Variants in RARB observed in about 807,000 individuals in gnomAD.
RARB encodes the protein retinoic acid receptor beta.
A neutral mutation model predicts 51.9 loss-of-function variants in RARB; 17 were observed. The ratio of observed to expected loss-of-function variants is 0.33; its 90% CI spans 0.22 to 0.49. The LOEUF (loss-of-function observed/expected upper bound fraction) is 0.49, where lower values mean the gene tolerates loss of function less well. Ranked by LOEUF, RARB falls within the 20% of genes least tolerant of loss-of-function variation. The pLI is 0.99. For missense variants in RARB, 369 were observed against 550.8 expected (o/e 0.67, Z 3.30); for synonymous variants, 215 against 195.4 (o/e 1.10, Z -0.84).
intron 5 of RARB, among the ~76,000 whole-genome samples, chr3:25,204,976 G>A (rs1439712950): frequency 1.3e-5 from 2 of 152,178 alleles, no homozygotes; most frequent in African/African-American, 2.4e-5. Context: ...ATTTAAGTCT[G>A]CAGAGGTTTC....
chr3:25,122,836 A>G (rs1335981860), intron 3 of RARB, among the ~76,000 whole-genome samples: 1 of 152,154 alleles, frequency 6.6e-6, no homozygotes, highest in East Asian at 1.9e-4. Context: ...TTCCCAAGGG[A>G]AGAAACCCAA....
At position 24,958,255 on chromosome 3, in the gene RARB, G is replaced by GTTTTGTTTT. The variant is rs1314564374; in HGVS notation, c.-380+99507_-380+99508insGTTTTTTTT. Among the ~76,000 whole-genome samples the GTTTTGTTTT allele has an allele frequency of 7.5e-3, 522 of 69,434 alleles. 55 individuals carry two copies. The highest frequency in any genetic ancestry group is 0.012 in the Non-Finnish European group (406 of 33,292). The allele number at this position is 69,434 out of a possible 152,430, so 45.6% of individuals were successfully genotyped here. On this transcript the variant is annotated intron_variant, in intron 2 of 11. Transcript: ENST00000383772. ...ACCTGAAGCTTCCTGAGCTGCTCAGGTTTTTTTTTTTTTTTTTTTTTTTTT... is the reference window on the plus strand; with the variant it reads ...ACCTGAAGCTTCCTGAGCTGCTCAGGTTTTGTTTTTTTTTTTTTTTTTTTTTTTTTTTTT...
chr3:24,916,350 G>A (rs536980138), intron 2 of RARB, among the ~76,000 whole-genome samples: 1 of 152,290 alleles, frequency 6.6e-6, no homozygotes, highest in East Asian at 1.9e-4. Context: ...GGCATCAGGA[G>A]AGTAAGATTA....
At chr3:25,252,012 A>G (rs1702734545) in intron 5 of RARB, among the ~76,000 whole-genome samples, 1 of 152,050 alleles carries the variant, frequency 6.6e-6, no homozygotes, top group South Asian at 2.1e-4. Flanking sequence ...AAGTCTGAAT[A>G]GGTTTTGAGT....
chr3:25,057,066 C>T (rs892512515), intron 2 of RARB, among the ~76,000 whole-genome samples: 21 of 152,056 alleles, frequency 1.4e-4, no homozygotes, highest in African/African-American at 4.6e-4. Flanking sequence ...ATTCATCATC[C>T]ATAATCAGGT....
chr3:24,955,674 G>A (rs1695998763), intron 2 of RARB, among the ~76,000 whole-genome samples: 1 of 152,152 alleles, frequency 6.6e-6, no homozygotes, highest in Admixed American at 6.6e-5. Flanking sequence ...ATGTGCGCAA[G>A]CTTATATGCC....
intron 2 of RARB, among the ~76,000 whole-genome samples, chr3:25,499,335 A>G (rs1036796722): frequency 6.6e-6 from 1 of 152,236 alleles, no homozygotes; most frequent in Non-Finnish European, 1.5e-5. Context: ...TCGTGTAGGT[A>G]TAAGTCACAT....
chr3:24,892,894 G>A (rs111994473), intron 2 of RARB, among the ~76,000 whole-genome samples: 2 of 152,296 alleles, frequency 1.3e-5, no homozygotes, highest in South Asian at 2.1e-4. Context: ...CTGCCATTGG[G>A]CTATCACTGT....
At chr3:25,466,837 G>A (rs1695453147) in intron 2 of RARB, among the ~76,000 whole-genome samples, 1 of 152,206 alleles carries the variant, frequency 6.6e-6, no homozygotes, top group Admixed American at 6.5e-5. Context: ...AAATGGGAAT[G>A]GCTATGTTTC....
At chr3:24,966,606 A>ATCTC (rs55848511) in intron 2 of RARB, among the ~76,000 whole-genome samples, 5,956 of 140,238 alleles carry the variant, frequency 0.042, 176 homozygotes, top group East Asian at 0.09. Flanking sequence ...GTTTACATTC[A>ATCTC]TCTCTCTCTC....
chr3:25,249,328 CTTGA>C (rs1336707105), intron 5 of RARB, among the ~76,000 whole-genome samples: 1 of 151,848 alleles, frequency 6.6e-6, no homozygotes, highest in Non-Finnish European at 1.5e-5. Flanking sequence ...TACTTATATC[CTTGA>C]TTATTTTTCT....
chr3:24,939,100 A>G lies in RARB; in HGVS notation c.-380+80348A>G, dbSNP rs558967744. Among the ~76,000 whole-genome samples, 7 of 152,088 alleles carry G rather than the reference A, an allele frequency of 4.6e-5. No homozygotes were observed. In the East Asian group the frequency reaches 1.4e-3, roughly 29 times the overall value. On this transcript the variant is annotated intron_variant, in intron 2 of 11. Transcript: ENST00000383772. Reference sequence around the variant, plus strand: ...CAGGTTCAAGCGATTCCCCTGCCTCAGGCTCCTGAGTAGCTAGGATTACAG... The same window carrying G: ...CAGGTTCAAGCGATTCCCCTGCCTCGGGCTCCTGAGTAGCTAGGATTACAG...
At chr3:25,264,474 T>C (rs1387654409) in intron 5 of RARB, among the ~76,000 whole-genome samples, 3 of 152,174 alleles carry the variant, frequency 2.0e-5, no homozygotes, top group African/African-American at 7.2e-5. Flanking sequence ...TGTTGGATCT[T>C]CAAGTAGCCT....
At chr3:25,170,936 C>G (rs1320784427) in intron 4 of RARB, among the ~76,000 whole-genome samples, 1 of 152,190 alleles carries the variant, frequency 6.6e-6, no homozygotes, top group Admixed American at 6.5e-5. Context: ...CATGCTACCT[C>G]CTGTCTGGCG....
intron 2 of RARB, among the ~76,000 whole-genome samples, chr3:24,998,299 T>C (rs1487782800): frequency 6.7e-6 from 1 of 148,990 alleles, no homozygotes; most frequent in African/African-American, 2.5e-5. Flanking sequence ...TTCTTTGGAG[T>C]CCTCTGCACC....
chr3:24,937,665 G>A (rs1695574018), intron 2 of RARB, among the ~76,000 whole-genome samples: 1 of 152,102 alleles, frequency 6.6e-6, no homozygotes, highest in South Asian at 2.1e-4. Flanking sequence ...ACCGTTCAGG[G>A]AGATAGCATC....
At chr3:24,910,778 G>A (rs1417244858) in intron 2 of RARB, among the ~76,000 whole-genome samples, 1 of 152,150 alleles carries the variant, frequency 6.6e-6, no homozygotes, top group Non-Finnish European at 1.5e-5. Flanking sequence ...GAATTATGAG[G>A]GAGGATTTTA....
chr3:25,399,046 C>G (rs1707194786), intron 5 of RARB, among the ~76,000 whole-genome samples: 1 of 152,134 alleles, frequency 6.6e-6, no homozygotes, highest in African/African-American at 2.4e-5. Flanking sequence ...CTTCCAAATT[C>G]AGGGCTCTTT....
chr3:24,840,903 A>G (rs1422839425), intron 1 of RARB, among the ~76,000 whole-genome samples: 1 of 152,094 alleles, frequency 6.6e-6, no homozygotes, highest in Non-Finnish European at 1.5e-5. Flanking sequence ...AAAGAAACAC[A>G]CACACATAGC....
Sources: allele counts gnomAD v4.1 joint callset (sites outside exome capture counted in the v4.1 genomes callset), GRCh38; gene constraint gnomAD v4.1.1; transcripts MANE v1.5; gene names NCBI Gene and HGNC (gene_info 2026-07-23, HGNC 2026-07-21).